ZIC4: variants seen among roughly 807,000 people sequenced by gnomAD.
The protein encoded by ZIC4 is zinc finger protein ZIC 4.
Under a neutral mutation model 28.8 loss-of-function variants are expected in ZIC4, and 15 were observed. The ratio of observed to expected loss-of-function variants is 0.52; its 90% CI spans 0.35 to 0.80. ZIC4 has a LOEUF of 0.80. Ranked by LOEUF, ZIC4 falls within the 30% of genes least tolerant of loss-of-function variation. ZIC4 has a pLI of 0.01. For missense variants in ZIC4, 512 were observed against 467.1 expected, an observed-to-expected ratio of 1.10 and a Z score of -0.89; for synonymous variants, 220 against 198.1, an observed-to-expected ratio of 1.11 and a Z score of -0.93.
At chr3:147,404,028 A>G in intron 1 of ZIC4, 1 of 1,537,230 alleles carries the variant, frequency 6.5e-7, no homozygotes, top group Non-Finnish European at 8.7e-7. Flanking sequence ...CCCCAAAGGT[A>G]ATAAGCTCCT....
chr3:147,405,776 GGCATCT>G, intron 1 of ZIC4: 1 of 451,218 alleles, frequency 2.2e-6, no homozygotes, highest in Non-Finnish European at 4.0e-6. Context: ...GGACTCAGGC[GGCATCT>G]GCCGTCAGGT....
At position 147,390,938 on chromosome 3, in the gene ZIC4, T is replaced by A. The variant is rs1278713263; in HGVS notation, c.997A>T (p.Ser333Cys). Residue 333 changes from serine to cysteine, a missense_variant, in exon 4 of 5, where the codon AGC (serine) becomes TGC (cysteine). By Grantham distance (112) the Ser-to-Cys change is moderately radical (BLOSUM62 -1). Transcript: ENST00000383075. ...AAVAARTADL[S>C]E ...AAGCCCTGACACACGTACCATTCGCTCAAGTCGGCGGTACGCGCCGCCACC... is the reference window on the plus strand; with the variant it reads ...AAGCCCTGACACACGTACCATTCGCACAAGTCGGCGGTACGCGCCGCCACC... The A allele has an allele frequency of 6.8e-6, 11 of 1,609,118 alleles. No homozygotes were observed. Among genetic ancestry groups the A allele is most frequent in the Non-Finnish European group, 9.3e-6 (11 of 1,177,842 alleles).
Position 147,396,614 on chromosome 3 carries a change from G to T in ZIC4, c.71-145C>A. 9.1e-7 allele frequency: 1 copy of T among 1,093,588 alleles called. No individual in the cohort carries two copies. The highest frequency in any genetic ancestry group is 1.2e-6 in the Non-Finnish European group (1 of 809,996). The allele number at this position is 1,093,588 out of a possible 1,614,324, so 67.7% of individuals were successfully genotyped here. A position where few individuals can be genotyped will look rare whatever the true frequency, so the allele number is the denominator to read the frequency against. On this transcript the variant is annotated intron_variant, in intron 2 of 4. Coordinates refer to ENST00000383075, the MANE Select transcript of ZIC4 (RefSeq NM_032153.6). This position sits in a 1 kb window ranked among gnomAD's most constrained non-coding sequence, Gnocchi z 4.2. ...CTCAGAGCCAGACAGCGCCAGCAGT[G>T]AACCCGGTGGACAGAGCAAGGCCAA... is the stretch of plus-strand genomic sequence containing the variant.
In ZIC4 at chr3:147,387,662, T is replaced by C. The variant is rs558712261; in HGVS notation, c.*1197A>G. 6.5e-6 allele frequency: 1 copy of C among 152,762 alleles called. No individual in the cohort carries two copies. The highest frequency in any genetic ancestry group is 1.5e-5 in the Non-Finnish European group (1 of 68,038). 9.5% of individuals were successfully genotyped at this position (152,762 alleles called of 1,614,324 possible). A position where few individuals can be genotyped will look rare whatever the true frequency, so the allele number is the denominator to read the frequency against. ...CATCTTCCCCACATCCCCTTGGCCT[T>C]GGGCTCTTGAGTTTGCATCTAGGAC... is the stretch of plus-strand genomic sequence containing the variant. On this transcript the variant is annotated 3_prime_UTR_variant, in exon 5 of 5. Coordinates refer to ENST00000383075, the MANE Select transcript of ZIC4 (RefSeq NM_032153.6).
intron 1 of ZIC4, chr3:147,403,930 G>A (rs2107985335): frequency 6.6e-7 from 1 of 1,509,394 alleles, no homozygotes; most frequent in East Asian, 2.5e-5. Flanking sequence ...CTCTTTTCTA[G>A]GTCCAGGCCT....
At position 147,404,266 on chromosome 3, in the gene ZIC4, G is replaced by A; in HGVS notation, c.-15-1454C>T. 4 of 1,434,660 alleles carry A rather than the reference G, an allele frequency of 2.8e-6. No individual in the cohort carries two copies. The South Asian group carries it at 6.0e-5, about 22-fold the overall frequency. The allele number at this position is 1,434,660 out of a possible 1,614,324, so 88.9% of individuals were successfully genotyped here. A position where few individuals can be genotyped will look rare whatever the true frequency, so the allele number is the denominator to read the frequency against. On this transcript the variant is annotated intron_variant, in intron 1 of 4. Transcript: ENST00000383075. Reference sequence around the variant, plus strand: ...AAGGCAGCCCCAACCCAACTTCTAAGAGGTCTGGATCACTTCTCTCCCAGG... The same window carrying A: ...AAGGCAGCCCCAACCCAACTTCTAAAAGGTCTGGATCACTTCTCTCCCAGG...
chr3:147,402,657 TAAA>T (rs878857182), intron 2 of ZIC4, 68 bp downstream of exon 2: 12 of 1,126,586 alleles, frequency 1.1e-5, no homozygotes, highest in Non-Finnish European at 1.5e-5. Context: ...ACTTCCTACT[TAAA>T]AAAAAAAAAG....
chr3:147,401,140 T>C (rs78473387), intron 2 of ZIC4, among the ~76,000 whole-genome samples: 9,175 of 152,222 alleles, frequency 0.06, 349 homozygotes, highest in South Asian at 0.095. Flanking sequence ...GTGCCCAGAA[T>C]CATGCCCTAA....
chr3:147,404,935 T>C, intron 1 of ZIC4, among the ~76,000 whole-genome samples: 1 of 152,192 alleles, frequency 6.6e-6, no homozygotes, highest in East Asian at 1.9e-4. Flanking sequence ...ACCTCTCCGC[T>C]GCAACTTGTC....
chr3:147,401,947 C>A (rs1376602093), intron 2 of ZIC4, among the ~76,000 whole-genome samples: 1 of 152,240 alleles, frequency 6.6e-6, no homozygotes, highest in South Asian at 2.1e-4. Context: ...TCTCTTGAGA[C>A]TTTTGCCATT....
chr3:147,398,024 G>A (rs766112034), intron 2 of ZIC4, among the ~76,000 whole-genome samples: 2 of 152,110 alleles, frequency 1.3e-5, no homozygotes, highest in Admixed American at 6.5e-5. Flanking sequence ...GGGATTAGGC[G>A]GGAAGTGGTG....
At chr3:147,389,188 G>T (rs1160068710) in intron 4 of ZIC4, 1 of 400,374 alleles carries the variant, frequency 2.5e-6, no homozygotes, top group Non-Finnish European at 4.5e-6. Context: ...CTCAAGGACG[G>T]ATTCACTAAA....
At chr3:147,400,403 G>A (rs1371249546) in intron 2 of ZIC4, among the ~76,000 whole-genome samples, 2 of 152,238 alleles carry the variant, frequency 1.3e-5, no homozygotes, top group African/African-American at 2.4e-5. Context: ...AAATCCTGGA[G>A]AGTAGGCTGG....
intron 1 of ZIC4, chr3:147,404,200 G>T: frequency 6.8e-7 from 1 of 1,478,992 alleles, no homozygotes; most frequent in Non-Finnish European, 8.9e-7. Flanking sequence ...GCTTCTGGGG[G>T]AAATGGGTGT....
intron 1 of ZIC4, chr3:147,405,504 A>T (rs1160980829): frequency 2.9e-5 from 45 of 1,534,100 alleles, no homozygotes; most frequent in Non-Finnish European, 3.9e-5. Flanking sequence ...CCTTTGAGCC[A>T]GTCCTAGCTT....
chr3:147,394,482 A>AC (rs1283625758), intron 3 of ZIC4, among the ~76,000 whole-genome samples: 2 of 151,768 alleles, frequency 1.3e-5, no homozygotes, highest in Non-Finnish European at 2.9e-5. Context: ...AAAAAAAAAA[A>AC]AAAAACCCTG....
intron 1 of ZIC4, chr3:147,404,337 A>T: frequency 7.8e-7 from 1 of 1,279,846 alleles, no homozygotes; most frequent in Non-Finnish European, 9.9e-7. Flanking sequence ...CATGCAAACA[A>T]ATATTGCAGA....
chr3:147,402,147 T>C (rs750711289), intron 2 of ZIC4, among the ~76,000 whole-genome samples: 1 of 152,218 alleles, frequency 6.6e-6, no homozygotes, highest in Non-Finnish European at 1.5e-5. Context: ...TTATTCTAAA[T>C]GGAATATTAA....
chr3:147,392,472 C>T (rs1279786529), intron 3 of ZIC4: 1 of 982,548 alleles, frequency 1.0e-6, no homozygotes, highest in Admixed American at 6.1e-5. Context: ...CCCGAGAACC[C>T]GGAAGCCTAG....
Sources: gnomAD v4.1 joint callset for allele counts (sites outside exome capture counted in the v4.1 genomes callset) on GRCh38, gnomAD v4.1.1 for gene constraint, Gnocchi (gnomAD v3.1) non-coding constraint, MANE v1.5 for transcripts, NCBI Gene and HGNC (gene_info 2026-07-23, HGNC 2026-07-21) for gene names.